The following SH3TC2 variants were observed in gnomAD, a reference collection of about 807,000 sequenced individuals.
SH3TC2 encodes the protein SH3 domain and tetratricopeptide repeat-containing protein 2.
A neutral mutation model predicts 124.5 loss-of-function variants in SH3TC2; 87 were observed. The ratio of observed to expected loss-of-function variants is 0.70; its 90% CI spans 0.59 to 0.84. The LOEUF is 0.84. Ranked by LOEUF, SH3TC2 falls within the 40% of genes least tolerant of loss-of-function variation. The pLI, the probability that SH3TC2 is intolerant of heterozygous loss-of-function variation, is 0.00. For synonymous variants in SH3TC2, 634 were observed against 628.5 expected (o/e 1.01, Z -0.13); for missense variants, 1,536 against 1,566.4 (o/e 0.98, Z 0.33).
intron 12 of SH3TC2, among the ~76,000 whole-genome samples, chr5:149,022,174 TAAAG>T (rs1753985532): frequency 6.6e-6 from 1 of 152,080 alleles, no homozygotes; most frequent in Non-Finnish European, 1.5e-5. Context: ...CCAGAATATA[TAAAG>T]AATGTTTACA....
At chr5:149,010,216 C>A (rs1352795520) in intron 14 of SH3TC2, 54 bp downstream of exon 14, 1 of 1,613,388 alleles carries the variant, frequency 6.2e-7, no homozygotes, top group Non-Finnish European at 8.5e-7. Context: ...CAGCCTGACC[C>A]TTCCCATGCC....
intron 2 of SH3TC2, among the ~76,000 whole-genome samples, chr5:149,049,645 C>CA (rs1033831205): frequency 1.6e-4 from 25 of 152,088 alleles, no homozygotes; most frequent in African/African-American, 5.8e-4. Flanking sequence ...GTGGCCTGGG[C>CA]ATGGTGGTGC....
chr5:149,012,563 A>T (rs747551864), intron 13 of SH3TC2, 21 bp downstream of exon 13: 1 of 1,614,076 alleles, frequency 6.2e-7, no homozygotes, highest in South Asian at 1.1e-5. Context: ...CAACTCCCAG[A>T]GAGCTCTGCA....
rs905890849 is a variant in SH3TC2 at position 149,001,545 on chromosome 5, A to T, written c.*3166T>A. On this transcript the variant is annotated 3_prime_UTR_variant, in exon 17 of 17. Coordinates refer to ENST00000515425, the MANE Select transcript of SH3TC2 (RefSeq NM_024577.4). Reference sequence around the variant, plus strand: ...ACTCTCTGTGGATCATGAAAAAAAGACAGCATCAACATGTTTCCAAAGGGA... The same window carrying T: ...ACTCTCTGTGGATCATGAAAAAAAGTCAGCATCAACATGTTTCCAAAGGGA... 5 of 152,246 alleles carry T rather than the reference A, an allele frequency of 3.3e-5. No homozygotes were observed. Among genetic ancestry groups the T allele is most frequent in the African/African-American group, 1.2e-4 (5 of 41,458 alleles). The allele number at this position is 152,246 out of a possible 1,614,324, so 9.4% of individuals were successfully genotyped here.
chr5:149,012,515 TG>T lies in SH3TC2; in HGVS notation c.3204+68del. 3.1e-6 allele frequency: 5 copies of T among 1,593,552 alleles called. No individual in the cohort carries two copies. In the South Asian group the frequency reaches 5.5e-5, roughly 18 times the overall value. On this transcript the variant is annotated intron_variant, in intron 13 of 16. Transcript: ENST00000515425. ...CCTCTCTGGTTCCCCCTGGTTGATTTGGAGGGTACAGCTGCCTCCCCAAATG... is the reference window on the plus strand; with the variant it reads ...CCTCTCTGGTTCCCCCTGGTTGATTTGAGGGTACAGCTGCCTCCCCAAATG...
chr5:149,007,066 G>T lies in SH3TC2; in HGVS notation c.3490C>A (p.Gln1164Lys). ...AGGCGGTGAAAGGCCACCAGCTCTT[G>T]CCTCTGATCTCCTAAGAATTGGAAG... ...RLSTVTGDQR[Q>K]ELVAFHRLAT... is the part of the protein sequence containing the mutation. Residue 1164 changes from glutamine (Q) to lysine (K), a missense_variant, in exon 16 of 17, where the codon CAA becomes AAA. By Grantham distance (53) the Gln-to-Lys change is moderately conservative (BLOSUM62 1). Transcript: ENST00000515425. 1 of 1,614,146 alleles carries T rather than the reference G, an allele frequency of 6.2e-7. No homozygotes were observed. The highest frequency in any genetic ancestry group is 2.2e-5 in the East Asian group (1 of 44,886).
chr5:149,007,197 T>C (rs941965508), intron 15 of SH3TC2, 120 bp from the exon 16 acceptor site: 6 of 905,076 alleles, frequency 6.6e-6, no homozygotes, highest in African/African-American at 4.9e-5. Context: ...TGCTGGGGCA[T>C]AGGAAATAAG....
chr5:149,056,345 T>C (rs891561015), intron 1 of SH3TC2, among the ~76,000 whole-genome samples: 20 of 152,200 alleles, frequency 1.3e-4, no homozygotes, highest in African/African-American at 4.8e-4. Flanking sequence ...CTCCCACTTA[T>C]AAGTGAGAAC....
intron 16 of SH3TC2, among the ~76,000 whole-genome samples, chr5:149,005,925 CAG>C (rs975713688): frequency 1.3e-5 from 2 of 152,078 alleles, no homozygotes; most frequent in African/African-American, 4.8e-5. Flanking sequence ...AGGGTTGTAA[CAG>C]AGATTTGCAA....
At chr5:149,061,576 C>G (rs1442624840) in intron 1 of SH3TC2, among the ~76,000 whole-genome samples, 3 of 152,154 alleles carry the variant, frequency 2.0e-5, no homozygotes, top group Non-Finnish European at 4.4e-5. Flanking sequence ...GTCATAAAAG[C>G]TACAGATAAG....
intron 9 of SH3TC2, among the ~76,000 whole-genome samples, chr5:149,030,590 T>G (rs1218638054): frequency 1.3e-5 from 2 of 152,262 alleles, no homozygotes; most frequent in Non-Finnish European, 2.9e-5. Flanking sequence ...CAATATGATC[T>G]GCTTGTGGCT....
chr5:149,004,471 C>A lies in SH3TC2; in HGVS notation c.*240G>T. The A allele has an allele frequency of 1.8e-6, 1 of 543,544 alleles. No homozygotes were observed. The highest frequency in any genetic ancestry group is 3.3e-5 in the Admixed American group (1 of 30,758). The allele number at this position is 543,544 out of a possible 1,614,324, so 33.7% of individuals were successfully genotyped here. On this transcript the variant is annotated 3_prime_UTR_variant, in exon 17 of 17. Transcript: ENST00000515425. Reference sequence around the variant, plus strand: ...CAGAGGCTGTTTGTGTGGAAGGCAACAGTCAACCGGTAAAGGCTCCAGATG... The same window carrying A: ...CAGAGGCTGTTTGTGTGGAAGGCAAAAGTCAACCGGTAAAGGCTCCAGATG...
At chr5:149,051,726 T>C (rs1754560608) in intron 2 of SH3TC2, among the ~76,000 whole-genome samples, 1 of 152,176 alleles carries the variant, frequency 6.6e-6, no homozygotes, top group South Asian at 2.1e-4. Context: ...AGTGCTGGGA[T>C]TACAGGTGAG....
rs1466396974 is a variant in SH3TC2 at position 148,994,992 on chromosome 5, C to T, written c.*9719G>A. ...TCTGGACCACTCAGGCCTCAAAATACCTTAAAGGTACTGCCTATCCCCTGG... is the reference window on the plus strand; with the variant it reads ...TCTGGACCACTCAGGCCTCAAAATATCTTAAAGGTACTGCCTATCCCCTGG... On this transcript the variant is annotated 3_prime_UTR_variant, in exon 17 of 17. Transcript: ENST00000515425. 6.6e-6 allele frequency among the ~76,000 whole-genome samples: 1 copy of T among 152,110 alleles called. No individual in the cohort carries two copies. The highest frequency in any genetic ancestry group is 1.5e-5 in the Non-Finnish European group (1 of 68,020).
chr5:149,038,955 A>G (rs1259269522), intron 7 of SH3TC2, among the ~76,000 whole-genome samples: 3 of 152,188 alleles, frequency 2.0e-5, no homozygotes, highest in Non-Finnish European at 2.9e-5. Context: ...TTTGGCCTCT[A>G]TGACCCTCAG....
rs1753295178 is a variant in SH3TC2, at chr5:148,984,056, G to C, written c.*20655C>G. 6.6e-6 allele frequency among the ~76,000 whole-genome samples: 1 copy of C among 152,142 alleles called. No individual in the cohort carries two copies. Among genetic ancestry groups the C allele is most frequent in the African/African-American group, 2.4e-5 (1 of 41,434 alleles). On this transcript the variant is annotated 3_prime_UTR_variant, in exon 17 of 17. Coordinates refer to ENST00000515425, the MANE Select transcript of SH3TC2 (RefSeq NM_024577.4). The stretch of plus-strand genomic sequence containing the variant: ...GAAAAGAACCTGCATACAACTTCTT[G>C]TACATGAATATTGATATCACTTCCC...
intron 3 of SH3TC2, chr5:149,045,326 A>G (rs150494859): frequency 3.5e-4 from 54 of 152,350 alleles, no homozygotes; most frequent in African/African-American, 1.2e-3. Context: ...CACCATTCTT[A>G]ATGGTTACAT....
At chr5:149,010,455 G>T (rs1753765512) in intron 13 of SH3TC2, 63 bp from the exon 14 acceptor site, 2 of 1,608,414 alleles carry the variant, frequency 1.2e-6, no homozygotes, top group African/African-American at 2.7e-5. Flanking sequence ...CCACAGGACT[G>T]GCAGAGCTAA....
rs1256936109 is a variant in SH3TC2, at chr5:148,998,489, C to G, written c.*6222G>C. ...GGAAGTTCATCTCAAAGAGCCTCAT[C>G]CCTCAAGCTAGTGTGATGCCCTGGA... On this transcript the variant is annotated 3_prime_UTR_variant, in exon 17 of 17. Transcript: ENST00000515425. Among the ~76,000 whole-genome samples, 1 of 152,204 alleles carries G rather than the reference C, an allele frequency of 6.6e-6. No homozygotes were observed. The highest frequency in any genetic ancestry group is 1.5e-5 in the Non-Finnish European group (1 of 68,044).
Sources: gnomAD v4.1 joint callset for allele counts (sites outside exome capture counted in the v4.1 genomes callset) on GRCh38, gnomAD v4.1.1 for gene constraint, MANE v1.5 for transcripts, NCBI Gene and HGNC (gene_info 2026-07-23, HGNC 2026-07-21) for gene names.